The following IL1RAPL2 variants were observed in gnomAD, a reference collection of about 807,000 sequenced individuals.
IL1RAPL2 encodes the protein X-linked interleukin-1 receptor accessory protein-like 2.
IL1RAPL2 carries 3 observed loss-of-function variants against 44.1 expected under a neutral mutation model. That is an observed-to-expected ratio of 0.07 (90% CI 0.03 to 0.18). IL1RAPL2 has a LOEUF of 0.18. Among genes scored for constraint, IL1RAPL2 ranks in the 10% least tolerant of loss-of-function variants. The pLI is 1.00. For synonymous variants in IL1RAPL2, 181 were observed against 178.8 expected (o/e 1.01, Z -0.10); for missense variants, 391 against 496.4 (o/e 0.79, Z 2.02).
chrX:104,895,600 T>C (rs1267980458), intron 2 of IL1RAPL2, among the ~76,000 whole-genome samples: 1 of 112,720 alleles, frequency 8.9e-6, no homozygotes, highest in Non-Finnish European at 1.9e-5. Context: ...TGGGATATAA[T>C]GTCCTTGTGT....
chrX:104,671,219 A>T (rs1930595424), intron 2 of IL1RAPL2, among the ~76,000 whole-genome samples: 1 of 110,731 alleles, frequency 9.0e-6, no homozygotes, highest in East Asian at 2.9e-4. Context: ...CACACAATTC[A>T]TTTAGGCTCC....
At chrX:105,307,892 A>G (rs1221057231) in intron 5 of IL1RAPL2, among the ~76,000 whole-genome samples, 13 of 106,329 alleles carry the variant, frequency 1.2e-4, no homozygotes, top group African/African-American at 4.5e-4. Flanking sequence ...TTACTTTATG[A>G]TGCAACAAGC....
At chrX:104,756,645 A>G (rs912227277) in intron 2 of IL1RAPL2, among the ~76,000 whole-genome samples, 3 of 111,049 alleles carry the variant, frequency 2.7e-5, no homozygotes, top group African/African-American at 9.8e-5. Flanking sequence ...TAGTGGAAGA[A>G]ACAGACCATT....
At chrX:105,514,528 T>C (rs976210900) in intron 6 of IL1RAPL2, among the ~76,000 whole-genome samples, 3 of 112,689 alleles carry the variant, frequency 2.7e-5, no homozygotes, top group Non-Finnish European at 5.6e-5. Context: ...TAGAATACTT[T>C]GAAGCAGATA....
intron 1 of IL1RAPL2, among the ~76,000 whole-genome samples, chrX:104,634,196 G>C (rs1168990938): frequency 9.0e-6 from 1 of 111,569 alleles, no homozygotes; most frequent in African/African-American, 3.3e-5. Flanking sequence ...TGATTGCACT[G>C]TGGTCTGAGA....
chrX:105,318,099 A>G (rs1256334508), intron 5 of IL1RAPL2, among the ~76,000 whole-genome samples: 1 of 109,140 alleles, frequency 9.2e-6, no homozygotes, highest in Non-Finnish European at 1.9e-5. Context: ...CAGCCTCCCG[A>G]GTAGCTGGGA....
At chrX:105,139,756 A>G (rs910865091) in intron 2 of IL1RAPL2, among the ~76,000 whole-genome samples, 1 of 112,010 alleles carries the variant, frequency 8.9e-6, no homozygotes, top group Non-Finnish European at 1.9e-5. Context: ...CTACTACCAA[A>G]TTGGGATTAG....
intron 6 of IL1RAPL2, among the ~76,000 whole-genome samples, chrX:105,515,644 G>A (rs1160418321): frequency 1.8e-5 from 2 of 111,685 alleles, no homozygotes. Flanking sequence ...GAGTCTCAAG[G>A]ATCTGAGCTG....
chrX:104,717,586 C>A (rs1291040503), intron 2 of IL1RAPL2, among the ~76,000 whole-genome samples: 2 of 109,715 alleles, frequency 1.8e-5, no homozygotes, highest in African/African-American at 6.6e-5. Flanking sequence ...GGAGGGGGGG[C>A]AGACACTCAA....
chrX:105,230,118 G>A (rs1379329596), intron 3 of IL1RAPL2, among the ~76,000 whole-genome samples: 1 of 111,901 alleles, frequency 8.9e-6, no homozygotes, highest in Non-Finnish European at 1.9e-5. Flanking sequence ...TTTTTAAGTG[G>A]AGCTTTTACT....
At chrX:104,904,739 T>A (rs1374895061) in intron 2 of IL1RAPL2, among the ~76,000 whole-genome samples, 3 of 109,882 alleles carry the variant, frequency 2.7e-5, no homozygotes, top group African/African-American at 9.9e-5. Flanking sequence ...TCTTTGCTAT[T>A]GTGAATAATG....
At chrX:104,652,436 C>T (rs967764919) in intron 1 of IL1RAPL2, among the ~76,000 whole-genome samples, 2 of 111,796 alleles carry the variant, frequency 1.8e-5, no homozygotes, top group Admixed American at 9.5e-5. Context: ...AAGATGTTAT[C>T]TACATAGATT....
chrX:104,954,682 A>T (rs1001967258), intron 2 of IL1RAPL2, among the ~76,000 whole-genome samples: 30 of 112,088 alleles, frequency 2.7e-4, no homozygotes, highest in African/African-American at 8.1e-4. Flanking sequence ...GACTACAGGC[A>T]CTGACCGCCA....
intron 2 of IL1RAPL2, among the ~76,000 whole-genome samples, chrX:104,895,400 A>T (rs1442050832): frequency 1.8e-5 from 2 of 112,819 alleles, no homozygotes; most frequent in African/African-American, 3.2e-5. Flanking sequence ...CTACAGAGGC[A>T]GGCAGGACTC....
chrX:105,093,917 G>T (rs993270307), intron 2 of IL1RAPL2, among the ~76,000 whole-genome samples: 1 of 111,569 alleles, frequency 9.0e-6, no homozygotes, highest in Non-Finnish European at 1.9e-5. Context: ...ACCCTTAAAA[G>T]AGATTAAATA....
At chrX:105,386,764 C>T (rs1192213349) in intron 5 of IL1RAPL2, among the ~76,000 whole-genome samples, 2 of 111,768 alleles carry the variant, frequency 1.8e-5, no homozygotes, top group African/African-American at 6.5e-5. Flanking sequence ...TAAATTTGTA[C>T]ATTTTCCTAG....
intron 5 of IL1RAPL2, among the ~76,000 whole-genome samples, chrX:105,454,136 G>A (rs956321759): frequency 1.8e-5 from 2 of 110,968 alleles, no homozygotes; most frequent in Non-Finnish European, 3.8e-5. Flanking sequence ...AAGTAAGCAG[G>A]AGATCTCCAG....
At chrX:105,178,906 A>T in intron 2 of IL1RAPL2, among the ~76,000 whole-genome samples, 1 of 111,790 alleles carries the variant, frequency 8.9e-6, no homozygotes, top group Non-Finnish European at 1.9e-5. Context: ...CTCCTATCAG[A>T]TTAATAATTT....
chrX:104,978,439 A>G (rs542158257), intron 2 of IL1RAPL2, among the ~76,000 whole-genome samples: 9 of 111,981 alleles, frequency 8.0e-5, no homozygotes, highest in Admixed American at 7.6e-4. Context: ...GTAGCATACT[A>G]TGTCTCTGAC....
Sources: gnomAD v4.1 joint callset for allele counts (sites outside exome capture counted in the v4.1 genomes callset) on GRCh38, gnomAD v4.1.1 for gene constraint, MANE v1.5 for transcripts, NCBI Gene and HGNC (gene_info 2026-07-23, HGNC 2026-07-21) for gene names.